Variants in TNFRSF10B observed in about 807,000 individuals in gnomAD.
TNFRSF10B encodes the protein TNF receptor superfamily member 10b, also known as tumor necrosis factor receptor superfamily member 10B.
In TNFRSF10B, 35 loss-of-function variants were observed where a neutral mutation model predicts 41.4. The observed-to-expected ratio is 0.85, with a 90% CI of 0.65 to 1.12. TNFRSF10B has a LOEUF of 1.12. Among genes scored for constraint, TNFRSF10B ranks in the 50% most tolerant of loss-of-function variants. The pLI, the probability that TNFRSF10B is intolerant of heterozygous loss-of-function variation, is 0.00. For synonymous variants in TNFRSF10B, 230 were observed against 215.5 expected (o/e 1.07, Z -0.59); for missense variants, 584 against 552.7 (o/e 1.06, Z -0.57).
intron 2 of TNFRSF10B, among the ~76,000 whole-genome samples, chr8:23,032,122 T>C (rs1811902146): frequency 2.0e-5 from 3 of 152,038 alleles, no homozygotes; most frequent in Admixed American, 2.0e-4. Flanking sequence ...GGCCAGGCTG[T>C]TCTCGAACTC....
At chr8:23,042,922 C>G in intron 2 of TNFRSF10B, 1 of 534,816 alleles carries the variant, frequency 1.9e-6, no homozygotes, top group Non-Finnish European at 3.4e-6. Context: ...ACTCAATTCT[C>G]TCTCAAGGTT....
At chr8:23,053,180 G>A (rs1812572623) in intron 1 of TNFRSF10B, among the ~76,000 whole-genome samples, 1 of 152,190 alleles carries the variant, frequency 6.6e-6, no homozygotes, top group South Asian at 2.1e-4. Context: ...AGCTAGGTAA[G>A]GCCTAGGACA....
At chr8:23,041,284 T>C (rs1166451238) in intron 2 of TNFRSF10B, among the ~76,000 whole-genome samples, 1 of 152,126 alleles carries the variant, frequency 6.6e-6, no homozygotes, top group Non-Finnish European at 1.5e-5. Context: ...GTCAAACTCC[T>C]GGCCTCAAGT....
intron 1 of TNFRSF10B, among the ~76,000 whole-genome samples, chr8:23,051,547 CTTTTT>C (rs57467929): frequency 7.1e-6 from 1 of 141,240 alleles, no homozygotes; most frequent in Non-Finnish European, 1.5e-5. Flanking sequence ...GTAAAATACT[CTTTTT>C]TTTTTTTTTT....
rs117333685 is a variant in TNFRSF10B, at chr8:23,039,720, G to A, written c.250+3418C>T. On this transcript the variant is annotated intron_variant, in intron 2 of 8. Coordinates refer to ENST00000276431, the MANE Select transcript of TNFRSF10B (RefSeq NM_003842.5). Reference sequence around the variant, plus strand: ...CATACACATACATGTCCTTAAGATCGACGTCAGTGGTCACACAACGTGCAA... The same window carrying A: ...CATACACATACATGTCCTTAAGATCAACGTCAGTGGTCACACAACGTGCAA... 5.2e-4 allele frequency among the ~76,000 whole-genome samples: 79 copies of A among 152,178 alleles called. 2 individuals are homozygous for A. In the East Asian group the frequency reaches 0.014, roughly 28 times the overall value.
At chr8:23,064,653 C>T (rs1418434161) in intron 1 of TNFRSF10B, among the ~76,000 whole-genome samples, 1 of 152,186 alleles carries the variant, frequency 6.6e-6, no homozygotes, top group South Asian at 2.1e-4. Flanking sequence ...TTGTGACTCA[C>T]CCACCTGTGA....
Position 23,022,520 on chromosome 8 carries a change from T to A in TNFRSF10B, c.*151A>T, listed in dbSNP as rs1322463859. 2 of 798,626 alleles carry A rather than the reference T, an allele frequency of 2.5e-6. No homozygotes were observed. The highest frequency in any genetic ancestry group is 3.4e-5 in the African/African-American group (2 of 58,992). The allele number at this position is 798,626 out of a possible 1,614,324, so 49.5% of individuals were successfully genotyped here. ...AGTGCAGTGAAAAGTTACAGGATGT[T>A]CCATCCACTGGGTGATGTTGGATGG... On this transcript the variant is annotated 3_prime_UTR_variant, in exon 9 of 9. Transcript: ENST00000276431.
chr8:23,058,246 C>CA (rs1225731961), intron 1 of TNFRSF10B, among the ~76,000 whole-genome samples: 2 of 151,000 alleles, frequency 1.3e-5, no homozygotes, highest in South Asian at 2.1e-4. Flanking sequence ...GACTCTGTCT[C>CA]AAAAAAAAAT....
chr8:23,027,566 G>A (rs967893529), intron 6 of TNFRSF10B, 156 bp downstream of exon 6: 1 of 997,636 alleles, frequency 1.0e-6, no homozygotes. Context: ...GCTCAAAATG[G>A]CCATGTGTCC....
chr8:23,054,899 G>A (rs568999141), intron 1 of TNFRSF10B, among the ~76,000 whole-genome samples: 12 of 152,158 alleles, frequency 7.9e-5, no homozygotes, highest in African/African-American at 2.2e-4. Context: ...CTTGCTGCAC[G>A]GTATATAAGT....
At chr8:23,063,093 A>T (rs931912524) in intron 1 of TNFRSF10B, among the ~76,000 whole-genome samples, 2 of 152,230 alleles carry the variant, frequency 1.3e-5, no homozygotes, top group African/African-American at 2.4e-5. Flanking sequence ...TCATGCCTGT[A>T]ATCCCAGCAC....
intron 1 of TNFRSF10B, among the ~76,000 whole-genome samples, chr8:23,051,919 G>A (rs1812530465): frequency 6.6e-6 from 1 of 152,154 alleles, no homozygotes; most frequent in Admixed American, 6.5e-5. Flanking sequence ...TCTGGGAAAG[G>A]ACTGTTATCA....
chr8:23,021,271 T>C lies in TNFRSF10B; in HGVS notation c.*1400A>G, dbSNP rs1811511082. 3 of 454,150 alleles carry C rather than the reference T, an allele frequency of 6.6e-6. No individual in the cohort carries two copies. Among genetic ancestry groups the C allele is most frequent in the African/African-American group, 2.0e-5 (1 of 50,144 alleles). The allele number at this position is 454,150 out of a possible 1,614,324, so 28.1% of individuals were successfully genotyped here. A position where few individuals can be genotyped will look rare whatever the true frequency, so the allele number is the denominator to read the frequency against. ...GTCCTGTTGCCACAGTGTTTAAGAA[T>C]TGACATTTCTGAGATGAGTCAGATG... On this transcript the variant is annotated 3_prime_UTR_variant, in exon 9 of 9. Coordinates refer to ENST00000276431, the MANE Select transcript of TNFRSF10B (RefSeq NM_003842.5).
In TNFRSF10B at chr8:23,028,106, G is replaced by C. The variant is rs1811765263; in HGVS notation, c.748+225C>G. ...GAACTGGCCCTGCCCTCCTGGACTT[G>C]GCTGGGAGATATGGGGACCCCCAGA... On this transcript the variant is annotated intron_variant, in intron 5 of 8. Coordinates refer to ENST00000276431, the MANE Select transcript of TNFRSF10B (RefSeq NM_003842.5). 1.1e-5 allele frequency: 7 copies of C among 635,322 alleles called. No homozygotes were observed. In the South Asian group the frequency reaches 1.4e-4, roughly 12 times the overall value. The allele number at this position is 635,322 out of a possible 1,614,324, so 39.4% of individuals were successfully genotyped here.
At chr8:23,062,692 A>C (rs1343487970) in intron 1 of TNFRSF10B, among the ~76,000 whole-genome samples, 1 of 152,210 alleles carries the variant, frequency 6.6e-6, no homozygotes, top group Non-Finnish European at 1.5e-5. Context: ...TATAAATATC[A>C]TAGATGGAAT....
At chr8:23,050,208 G>C (rs76294576) in intron 1 of TNFRSF10B, among the ~76,000 whole-genome samples, 5,488 of 152,300 alleles carry the variant, frequency 0.036, 309 homozygotes, top group African/African-American at 0.12. Context: ...TTTCCCTTTG[G>C]TTGATATCAG....
At chr8:23,049,471 T>C (rs1373197955) in intron 1 of TNFRSF10B, among the ~76,000 whole-genome samples, 1 of 152,120 alleles carries the variant, frequency 6.6e-6, no homozygotes, top group African/African-American at 2.4e-5. Flanking sequence ...GGAGACAAGA[T>C]AAGGGTAATC....
chr8:23,048,822 G>A (rs978208487), intron 1 of TNFRSF10B, among the ~76,000 whole-genome samples: 1 of 152,080 alleles, frequency 6.6e-6, no homozygotes, highest in Admixed American at 6.6e-5. Flanking sequence ...GGTCTTGAAC[G>A]TTCGCCTGGG....
At chr8:23,061,081 A>T (rs1301942414) in intron 1 of TNFRSF10B, among the ~76,000 whole-genome samples, 1 of 152,198 alleles carries the variant, frequency 6.6e-6, no homozygotes, top group Non-Finnish European at 1.5e-5. Context: ...GCCAAAACTT[A>T]AGACATCCTG....
Sources: gnomAD v4.1 joint callset for allele counts (sites outside exome capture counted in the v4.1 genomes callset) on GRCh38, gnomAD v4.1.1 for gene constraint, MANE v1.5 for transcripts, NCBI Gene and HGNC (gene_info 2026-07-23, HGNC 2026-07-21) for gene names.